The following MEI4 variants were observed in gnomAD, a reference collection of about 807,000 sequenced individuals.
MEI4 encodes the protein meiosis-specific protein MEI4.
In MEI4, 27 loss-of-function variants were observed where a neutral mutation model predicts 31.4. The observed-to-expected ratio is 0.86, with a 90% CI of 0.63 to 1.19. The LOEUF (loss-of-function observed/expected upper bound fraction) is 1.19. Ranked by LOEUF, MEI4 falls within the 50% of genes most tolerant of loss-of-function variation. MEI4 has a pLI of 0.00. For synonymous variants in MEI4, 122 were observed against 145.4 expected (o/e 0.84, Z 1.16); for missense variants, 329 against 398.9 (o/e 0.82, Z 1.49).
intron 1 of MEI4, among the ~76,000 whole-genome samples, chr6:77,684,568 CT>C (rs1233014854): frequency 6.6e-6 from 1 of 151,966 alleles, no homozygotes; most frequent in East Asian, 1.9e-4. Flanking sequence ...ATTATTTTGA[CT>C]TTTAGATCCC....
intron 3 of MEI4, among the ~76,000 whole-genome samples, chr6:77,763,461 C>T (rs1297356102): frequency 1.3e-5 from 2 of 152,158 alleles, no homozygotes; most frequent in Non-Finnish European, 2.9e-5. Flanking sequence ...GGTGGCAGGA[C>T]TTGCCAAAAC....
At position 77,689,059 on chromosome 6, in the gene MEI4, AT is replaced by A. The variant is rs975444076; in HGVS notation, c.-14-1594del. ...GATTCTGGAAATCTAGTTTCTTTACATTTTTAATTATAATTGATATATGTTA... is the reference window on the plus strand; with the variant it reads ...GATTCTGGAAATCTAGTTTCTTTACATTTTAATTATAATTGATATATGTTA... On this transcript the variant is annotated intron_variant, in intron 1 of 4. Coordinates refer to ENST00000684080, the MANE Select transcript of MEI4 (RefSeq NM_001322247.2). Among the ~76,000 whole-genome samples, 6 of 152,050 alleles carry A rather than the reference AT, an allele frequency of 3.9e-5. 1 individual carries two copies. The highest frequency in any genetic ancestry group is 7.4e-5 in the Non-Finnish European group (5 of 67,972).
At chr6:77,884,560 A>AT (rs1771576578) in intron 4 of MEI4, among the ~76,000 whole-genome samples, 1 of 151,916 alleles carries the variant, frequency 6.6e-6, no homozygotes, top group African/African-American at 2.4e-5. Flanking sequence ...TTGGTTCATT[A>AT]TTTTTTCCTT....
At chr6:77,673,732 A>G (rs1458403841) in intron 1 of MEI4, among the ~76,000 whole-genome samples, 2 of 152,174 alleles carry the variant, frequency 1.3e-5, no homozygotes, top group Non-Finnish European at 2.9e-5. Flanking sequence ...TGGTTAGGGA[A>G]GAAGTCCTCC....
At chr6:77,828,579 A>G (rs1040309479) in intron 3 of MEI4, among the ~76,000 whole-genome samples, 9 of 152,152 alleles carry the variant, frequency 5.9e-5, no homozygotes, top group African/African-American at 1.9e-4. Context: ...TGACCTATCT[A>G]TCATCTATCT....
chr6:77,700,423 C>T (rs563068861), intron 2 of MEI4, among the ~76,000 whole-genome samples: 2 of 152,164 alleles, frequency 1.3e-5, no homozygotes, highest in South Asian at 2.1e-4. Flanking sequence ...CCTGGTGTGC[C>T]GTTTTTTAAG....
rs9443467 is a variant in MEI4, at chr6:77,761,015, C to T, written c.233-115C>T. 3.2e-3 allele frequency: 2,167 copies of T among 679,350 alleles called. 38 individuals carry two copies. In the African/African-American group the frequency reaches 0.037, roughly 11 times the overall value. The allele number at this position is 679,350 out of a possible 1,614,324, so 42.1% of individuals were successfully genotyped here. A position where few individuals can be genotyped will look rare whatever the true frequency, so the allele number is the denominator to read the frequency against. The stretch of plus-strand genomic sequence containing the variant: ...TTTTTACACTACTGCTTGTTAAATG[C>T]TTAATGTGTATTTATATACTTCATT... On this transcript the variant is annotated intron_variant, in intron 2 of 4. Coordinates refer to ENST00000684080, the MANE Select transcript of MEI4 (RefSeq NM_001322247.2).
chr6:77,652,038 C>T (rs976245142), upstream of MEI4, among the ~76,000 whole-genome samples: 1 of 152,108 alleles, frequency 6.6e-6, no homozygotes. Context: ...GGCATGTGTA[C>T]ATTAAACTCT....
rs1766823961 is a variant in MEI4 at position 77,925,623 on chromosome 6, T to C, written c.*2277T>C. ...TTAGGGATAAGAGTAATGGAGTCAGTAGTAATTGGGCAGCATTGAAACTGG... is the reference window on the plus strand; with the variant it reads ...TTAGGGATAAGAGTAATGGAGTCAGCAGTAATTGGGCAGCATTGAAACTGG... On this transcript the variant is annotated 3_prime_UTR_variant, in exon 5 of 5. Transcript: ENST00000684080. The C allele has an allele frequency of 6.6e-6, 1 of 151,522 alleles. No individual in the cohort carries two copies. The highest frequency in any genetic ancestry group is 6.6e-5 in the Admixed American group (1 of 15,140). 9.4% of individuals were successfully genotyped at this position (151,522 alleles called of 1,614,324 possible).
At chr6:77,765,993 A>G (rs1316463761) in intron 3 of MEI4, among the ~76,000 whole-genome samples, 1 of 152,100 alleles carries the variant, frequency 6.6e-6, no homozygotes. Context: ...GAACACATGG[A>G]CACAGGAAGG....
chr6:77,922,150 A>T (rs1766717861), intron 4 of MEI4, among the ~76,000 whole-genome samples: 2 of 151,740 alleles, frequency 1.3e-5, no homozygotes, highest in South Asian at 4.1e-4. Flanking sequence ...TTGTTGAAGA[A>T]TATATTTGTC....
chr6:77,668,879 T>C (rs1768685568), intron 1 of MEI4, among the ~76,000 whole-genome samples: 1 of 151,918 alleles, frequency 6.6e-6, no homozygotes, highest in Non-Finnish European at 1.5e-5. Flanking sequence ...ATTTTCTGTG[T>C]TTTTTCTAAA....
chr6:77,763,609 C>CTA (rs1477395829), intron 3 of MEI4, among the ~76,000 whole-genome samples: 9 of 152,192 alleles, frequency 5.9e-5, no homozygotes, highest in Admixed American at 2.6e-4. Flanking sequence ...ATAGATCCAC[C>CTA]TATACCATCA....
At chr6:77,761,820 T>C (rs1281783132) in intron 3 of MEI4, among the ~76,000 whole-genome samples, 155 bp downstream of exon 3, 1 of 152,214 alleles carries the variant, frequency 6.6e-6, no homozygotes, top group Non-Finnish European at 1.5e-5. Context: ...TCTGTCATGA[T>C]GTCTCCACTT....
chr6:77,783,945 GCAA>G (rs2127692229), intron 3 of MEI4, among the ~76,000 whole-genome samples: 1 of 152,162 alleles, frequency 6.6e-6, no homozygotes, highest in East Asian at 1.9e-4. Flanking sequence ...AGCAATTATA[GCAA>G]TTATAGCAAT....
intron 2 of MEI4, among the ~76,000 whole-genome samples, chr6:77,755,081 C>G (rs561774051): frequency 2.6e-5 from 4 of 151,894 alleles, no homozygotes; most frequent in East Asian, 3.9e-4. Context: ...CTGTAATTCC[C>G]GTGATTTGGG....
intron 4 of MEI4, among the ~76,000 whole-genome samples, chr6:77,914,490 CTT>C (rs1023319216): frequency 6.7e-4 from 102 of 151,818 alleles, no homozygotes; most frequent in African/African-American, 1.7e-3. Context: ...ATTTTTAAGA[CTT>C]TTGTGTTCTA....
intron 4 of MEI4, among the ~76,000 whole-genome samples, chr6:77,854,395 T>C (rs960496007): frequency 1.3e-5 from 2 of 149,006 alleles, no homozygotes; most frequent in Non-Finnish European, 3.0e-5. Context: ...AGTGTTAATG[T>C]CAACAGTAAT....
At chr6:77,830,587 G>A (rs1770054567) in intron 4 of MEI4, among the ~76,000 whole-genome samples, 1 of 151,990 alleles carries the variant, frequency 6.6e-6, no homozygotes, top group Non-Finnish European at 1.5e-5. Flanking sequence ...ACAATAACTA[G>A]TGTCAGGCAG....
Sources: allele counts gnomAD v4.1 joint callset (sites outside exome capture counted in the v4.1 genomes callset), GRCh38; gene constraint gnomAD v4.1.1; transcripts MANE v1.5; gene names NCBI Gene and HGNC (gene_info 2026-07-23, HGNC 2026-07-21).